The following RMDN2 variants were observed in gnomAD, a reference collection of about 807,000 sequenced individuals.
RMDN2 encodes the protein regulator of microtubule dynamics 2, also known as regulator of microtubule dynamics protein 2.
RMDN2 carries 61 observed loss-of-function variants against 52.8 expected under a neutral mutation model. The ratio of observed to expected loss-of-function variants is 1.16; its 90% CI spans 0.94 to 1.43. The LOEUF (loss-of-function observed/expected upper bound fraction) is 1.43, where lower values mean the gene tolerates loss of function less well. Ranked by LOEUF, RMDN2 falls within the 40% of genes most tolerant of loss-of-function variation. RMDN2 has a pLI of 0.00. For missense variants in RMDN2, 592 were observed against 475.3 expected, an observed-to-expected ratio of 1.25 and a Z score of -2.28; for synonymous variants, 180 against 153.1, an observed-to-expected ratio of 1.18 and a Z score of -1.30.
At chr2:38,014,942 C>A (rs1356080068) in intron 10 of RMDN2, among the ~76,000 whole-genome samples, 3 of 152,166 alleles carry the variant, frequency 2.0e-5, no homozygotes, top group Admixed American at 6.5e-5. Flanking sequence ...AAAACTGGTA[C>A]TGCAACTTGG....
At chr2:37,964,970 C>T (rs72887135) in intron 2 of RMDN2, among the ~76,000 whole-genome samples, 94 of 152,152 alleles carry the variant, frequency 6.2e-4, no homozygotes, top group African/African-American at 2.0e-3. Flanking sequence ...GTAATTGGCT[C>T]TTTTATTATG....
chr2:37,933,436 G>T (rs1481025945), intron 2 of RMDN2, among the ~76,000 whole-genome samples: 1 of 152,248 alleles, frequency 6.6e-6, no homozygotes, highest in Non-Finnish European at 1.5e-5. Flanking sequence ...GGAGGTGGAG[G>T]TTGTAGCGAG....
intron 7 of RMDN2, among the ~76,000 whole-genome samples, chr2:37,992,215 C>G (rs1199396528): frequency 6.6e-6 from 1 of 152,134 alleles, no homozygotes; most frequent in Non-Finnish European, 1.5e-5. Context: ...TTTAACTAGT[C>G]AATGAAAGAG....
intron 10 of RMDN2, among the ~76,000 whole-genome samples, chr2:38,014,463 TTTTA>T (rs1678466318): frequency 6.6e-6 from 1 of 152,348 alleles, no homozygotes; most frequent in East Asian, 1.9e-4. Flanking sequence ...CTTAGAACCC[TTTTA>T]TTTATTTATT....
At chr2:37,991,776 A>G (rs970517957) in intron 7 of RMDN2, among the ~76,000 whole-genome samples, 5 of 152,192 alleles carry the variant, frequency 3.3e-5, no homozygotes, top group African/African-American at 1.2e-4. Flanking sequence ...CTGGCCAGGG[A>G]TGAATAAAAC....
downstream of RMDN2, among the ~76,000 whole-genome samples, chr2:38,018,246 A>G (rs1679063428): frequency 6.6e-6 from 1 of 152,196 alleles, no homozygotes; most frequent in Non-Finnish European, 1.5e-5. Context: ...TGCTAGCAAT[A>G]TTGTCATGAG....
intron 2 of RMDN2, among the ~76,000 whole-genome samples, chr2:37,973,651 G>A (rs1371731457): frequency 6.6e-6 from 1 of 152,164 alleles, no homozygotes; most frequent in Non-Finnish European, 1.5e-5. Context: ...GCCACATTGA[G>A]AAAATGAAAT....
At chr2:37,939,771 C>T (rs541283838) in intron 2 of RMDN2, among the ~76,000 whole-genome samples, 1 of 152,280 alleles carries the variant, frequency 6.6e-6, no homozygotes, top group South Asian at 2.1e-4. Flanking sequence ...TTATTTTGTG[C>T]ATATGGGTGT....
chr2:38,024,462 T>C (rs1679625411), intron 10 of RMDN2, among the ~76,000 whole-genome samples: 1 of 152,168 alleles, frequency 6.6e-6, no homozygotes, highest in Non-Finnish European at 1.5e-5. Context: ...GTCTTTTTCA[T>C]TTTAGCTACT....
chr2:38,016,016 A>G lies in RMDN2; in HGVS notation c.1180-1170A>G, dbSNP rs558818568. Among the ~76,000 whole-genome samples the G allele has an allele frequency of 2.2e-4, 33 of 152,354 alleles. No homozygotes were observed. The South Asian group carries it at 5.6e-3, about 26-fold the overall frequency. ...AGAGGGCAATTGCATAAATATAGCC[A>G]ATATATTAAGTGCTTGAAACATAAT... is the stretch of plus-strand genomic sequence containing the variant. On this transcript the variant is annotated intron_variant, in intron 10 of 10. Transcript: ENST00000354545.
intron 1 of RMDN2, 143 bp downstream of exon 1, chr2:37,925,568 A>G (rs370373319): frequency 2.0e-5 from 3 of 152,320 alleles, no homozygotes; most frequent in East Asian, 3.8e-4. Flanking sequence ...TGAGCCTGCT[A>G]GCCAGCGGTG....
chr2:37,922,569 A>T (rs960943566), upstream of RMDN2, among the ~76,000 whole-genome samples: 1 of 152,224 alleles, frequency 6.6e-6, no homozygotes, highest in Non-Finnish European at 1.5e-5. Context: ...CCCAAGATAC[A>T]AAGATAAATG....
intron 10 of RMDN2, among the ~76,000 whole-genome samples, chr2:38,032,277 C>T (rs1680264479): frequency 6.6e-6 from 1 of 152,182 alleles, no homozygotes; most frequent in South Asian, 2.1e-4. Context: ...ACCACAGCCT[C>T]AGGCAACCAC....
In RMDN2 at chr2:37,950,181, T is replaced by C. The variant is rs186934383; in HGVS notation, c.452+20452T>C. 119 of 321,982 alleles carry C rather than the reference T, an allele frequency of 3.7e-4. 2 individuals carry two copies. The East Asian group carries it at 8.3e-3, about 22-fold the overall frequency. The allele number at this position is 321,982 out of a possible 1,614,324, so 19.9% of individuals were successfully genotyped here. A position where few individuals can be genotyped will look rare whatever the true frequency, so the allele number is the denominator to read the frequency against. On this transcript the variant is annotated intron_variant, in intron 2 of 10. Transcript: ENST00000354545. Reference sequence around the variant, plus strand: ...GAAGAAGGAGTTAGTAGTACAGGGGTGTGGAAGGCAGCTGGTGAGAGAGAT... The same window carrying C: ...GAAGAAGGAGTTAGTAGTACAGGGGCGTGGAAGGCAGCTGGTGAGAGAGAT...
intron 5 of RMDN2, 27 bp downstream of exon 5, chr2:37,981,370 T>A: frequency 4.8e-6 from 7 of 1,459,860 alleles, no homozygotes; most frequent in African/African-American, 1.4e-5. Context: ...TATGCAGTCT[T>A]TTAAATTCTA....
rs1412485858 is a variant in RMDN2 at position 38,060,119 on chromosome 2, T to TTTTA, written c.1714-6860_1714-6859insATTT. Among the ~76,000 whole-genome samples the TTTTA allele has an allele frequency of 4.7e-3, 622 of 132,484 alleles. 10 individuals carry two copies. Among genetic ancestry groups the TTTTA allele is most frequent in the African/African-American group, 0.021 (581 of 27,140 alleles). The allele number at this position is 132,484 out of a possible 152,430, so 86.9% of individuals were successfully genotyped here. A position where few individuals can be genotyped will look rare whatever the true frequency, so the allele number is the denominator to read the frequency against. On this transcript the variant is annotated intron_variant, in intron 10 of 10. Transcript: ENST00000234195. Reference sequence around the variant, plus strand: ...TTTTATTTTATTTTATTTTATTTTATTTTTTTTAGTAGAGACAGGATTTCA... The same window carrying TTTTA: ...TTTTATTTTATTTTATTTTATTTTATTTTATTTTTTTAGTAGAGACAGGATTTCA...
At chr2:37,974,451 A>G (rs991478542) in intron 3 of RMDN2, among the ~76,000 whole-genome samples, 20 of 148,568 alleles carry the variant, frequency 1.3e-4, no homozygotes, top group Admixed American at 4.0e-4. Flanking sequence ...AATGAGAACC[A>G]GAGCTATAAT....
intron 10 of RMDN2, among the ~76,000 whole-genome samples, chr2:38,043,071 G>A (rs924562296): frequency 1.3e-5 from 2 of 152,116 alleles, no homozygotes; most frequent in Non-Finnish European, 2.9e-5. Context: ...TGTTTTATCA[G>A]TCTGTTGTTG....
chr2:37,968,839 C>T (rs982610539), intron 2 of RMDN2, among the ~76,000 whole-genome samples: 1 of 152,166 alleles, frequency 6.6e-6, no homozygotes, highest in African/African-American at 2.4e-5. Context: ...TATGAAATGC[C>T]TTTGGGAGGA....
Sources: allele counts gnomAD v4.1 joint callset (sites outside exome capture counted in the v4.1 genomes callset), GRCh38; gene constraint gnomAD v4.1.1; transcripts MANE v1.5; gene names NCBI Gene and HGNC (gene_info 2026-07-23, HGNC 2026-07-21).